LGALS2: variants seen among roughly 807,000 people sequenced by gnomAD.
The protein encoded by LGALS2 is galectin 2, also known as galectin-2.
In LGALS2, 7 loss-of-function variants were observed where a neutral mutation model predicts 10.1. The ratio of observed to expected loss-of-function variants is 0.70; its 90% CI spans 0.40 to 1.31. The LOEUF is 1.31. Ranked by LOEUF, LGALS2 falls within the 50% of genes most tolerant of loss-of-function variation. LGALS2 has a pLI of 0.01. For missense variants in LGALS2, 167 were observed against 163.6 expected, an observed-to-expected ratio of 1.02 and a Z score of -0.11; for synonymous variants, 86 against 64.2, an observed-to-expected ratio of 1.34 and a Z score of -1.63.
At chr22:37,574,844 G>A (rs1247547218) in intron 1 of LGALS2, among the ~76,000 whole-genome samples, 2 of 151,422 alleles carry the variant, frequency 1.3e-5, no homozygotes, top group Non-Finnish European at 2.9e-5. Flanking sequence ...AGGTTGTTAG[G>A]TATTGCTCAA....
chr22:37,572,998 G>A (rs1001164259), intron 1 of LGALS2, among the ~76,000 whole-genome samples: 3 of 150,310 alleles, frequency 2.0e-5, no homozygotes, highest in African/African-American at 7.4e-5. Flanking sequence ...AAAAGGCCGG[G>A]CACAGTGGCT....
chr22:37,572,672 CAGG>C (rs1361503726), intron 1 of LGALS2, among the ~76,000 whole-genome samples: 1 of 151,616 alleles, frequency 6.6e-6, no homozygotes, highest in African/African-American at 2.4e-5. Context: ...GAGGCTGAGG[CAGG>C]AGAATGGTGT....
chr22:37,570,360 T>G lies in LGALS2; in HGVS notation c.302A>C (p.His101Pro). The G allele has an allele frequency of 6.2e-7, 1 of 1,614,090 alleles. No individual in the cohort carries two copies. The highest frequency in any genetic ancestry group is 8.5e-7 in the Non-Finnish European group (1 of 1,179,988). The change falls in exon 4 of 4, where the codon CAC becomes CCC. Residue 101 changes from histidine (H) to proline (P), a missense_variant. Transcript: ENST00000215886. ...DKFKVKLPDG[H>P]ELTFPNRLGH... The stretch of plus-strand genomic sequence containing the variant: ...CAGCCTGTTGGGAAAAGTCAGCTCG[T>G]GCCCATCTGGCAGCTTCACCTTGAA...
At chr22:37,575,412 T>C (rs1169106305) in intron 1 of LGALS2, among the ~76,000 whole-genome samples, 2 of 151,994 alleles carry the variant, frequency 1.3e-5, no homozygotes, top group African/African-American at 4.8e-5. Flanking sequence ...TTTGCTATGT[T>C]ACCCAGGCTG....
At chr22:37,574,258 G>A (rs765704619) in intron 1 of LGALS2, among the ~76,000 whole-genome samples, 1 of 151,894 alleles carries the variant, frequency 6.6e-6, no homozygotes, top group Non-Finnish European at 1.5e-5. Context: ...GCTCACGCCT[G>A]TAATCCCAGC....
intron 1 of LGALS2, among the ~76,000 whole-genome samples, chr22:37,572,830 G>T (rs150250277): frequency 0.066 from 9,908 of 149,436 alleles, 810 homozygotes; most frequent in African/African-American, 0.19. Context: ...AATTATCTGC[G>T]CATGGTGGCG....
chr22:37,577,523 T>C (rs76799883), intron 1 of LGALS2, among the ~76,000 whole-genome samples: 67,538 of 147,476 alleles, frequency 0.46, 15,983 homozygotes, highest in African/African-American at 0.51. Context: ...CTAATTTTTT[T>C]TTCTTCTTCT....
intron 1 of LGALS2, among the ~76,000 whole-genome samples, chr22:37,577,316 G>A (rs941960580): frequency 1.3e-5 from 2 of 150,272 alleles, no homozygotes; most frequent in Non-Finnish European, 3.0e-5. Context: ...AGCGTCCCCC[G>A]AAAATTCATG....
chr22:37,574,588 C>T (rs1223314754), intron 1 of LGALS2, among the ~76,000 whole-genome samples: 3 of 151,440 alleles, frequency 2.0e-5, no homozygotes, highest in Admixed American at 2.0e-4. Context: ...CAGGACGCAA[C>T]AGGCACCAAA....
rs1481644056 is a variant in LGALS2, at chr22:37,571,830, A to G, written c.89+19T>C. 2 of 1,610,138 alleles carry G rather than the reference A, an allele frequency of 1.2e-6. No homozygotes were observed. Among genetic ancestry groups the G allele is most frequent in the African/African-American group, 1.3e-5 (1 of 74,854 alleles). ...TATTCCGGGCCTGCAGACTCCCCCA[A>G]CCCTGAAACCTTGCTCACCCATCAG... On this transcript the variant is annotated intron_variant, in intron 2 of 3. Coordinates refer to ENST00000215886, the MANE Select transcript of LGALS2 (RefSeq NM_006498.3).
At position 37,570,593 on chromosome 22, in the gene LGALS2, G is replaced by A. The variant is rs1488644428; in HGVS notation, c.232C>T (p.Pro78Ser). Residue 78 changes from proline (P) to serine (S), a missense_variant, in exon 3 of 4, where the codon CCA becomes TCA. Physicochemically the swap from Pro to Ser is moderately conservative, Grantham distance 74. Coordinates refer to ENST00000215886, the MANE Select transcript of LGALS2 (RefSeq NM_006498.3). ...EQREDHLCFS[P>S]GSEVKFTVTF... ...GACCTCACCTTGACCTCTGACCCTG[G>A]GCTGAAGCACAGGTGATCTTCCCGT... 6.2e-7 allele frequency: 1 copy of A among 1,614,198 alleles called. No homozygotes were observed. Among genetic ancestry groups the A allele is most frequent in the Non-Finnish European group, 8.5e-7 (1 of 1,180,052 alleles).
chr22:37,572,926 G>A (rs1002196227), intron 1 of LGALS2, among the ~76,000 whole-genome samples: 6 of 149,816 alleles, frequency 4.0e-5, no homozygotes, highest in Admixed American at 2.7e-4. Flanking sequence ...AGCTGAGATC[G>A]TACCATTGCA....
At position 37,570,302 on chromosome 22, in the gene LGALS2, C is replaced by T. The variant is rs1925450957; in HGVS notation, c.360G>A (p.Arg120=). 10 of 1,613,168 alleles carry T rather than the reference C, an allele frequency of 6.2e-6. No individual in the cohort carries two copies. The South Asian group carries it at 7.7e-5, about 12-fold the overall frequency. The change falls in exon 4 of 4, where the codon AGG becomes AGA. Residue 120 remains arginine, a synonymous_variant. Coordinates refer to ENST00000215886, the MANE Select transcript of LGALS2 (RefSeq NM_006498.3). ...TGAAAGAGGACATGTTGAACCCGCC[C>T]CTTACGCTCAGGTAGCTCAGGTGGC... ...GHSHLSYLSV[R]GGFNMSSFKL...
chr22:37,575,078 G>A (rs938961730), intron 1 of LGALS2, among the ~76,000 whole-genome samples: 3 of 151,798 alleles, frequency 2.0e-5, no homozygotes, highest in African/African-American at 7.3e-5. Context: ...TAGAGACGGG[G>A]TTTCACCACT....
chr22:37,574,424 G>A (rs1444735194), intron 1 of LGALS2, among the ~76,000 whole-genome samples: 1 of 149,262 alleles, frequency 6.7e-6, no homozygotes, highest in Non-Finnish European at 1.5e-5. Flanking sequence ...GCTGAGGCAA[G>A]AGAATCGCTT....
rs1411860757 is a variant in LGALS2, at chr22:37,578,703, A to C, written c.6+1197T>G. ...GGTGGCTCACACCTGTAATCCCAGC[A>C]CTTTGGGAGGCCAAGGTGGGCGGAT... On this transcript the variant is annotated intron_variant, in intron 1 of 3. Coordinates refer to ENST00000215886, the MANE Select transcript of LGALS2 (RefSeq NM_006498.3). The C allele has an allele frequency of 2.0e-5, 3 of 152,232 alleles. No individual in the cohort carries two copies. The East Asian group carries it at 5.8e-4, about 29-fold the overall frequency. The allele number at this position is 152,232 out of a possible 1,614,324, so 9.4% of individuals were successfully genotyped here.
chr22:37,573,335 A>G (rs1314928151), intron 1 of LGALS2, among the ~76,000 whole-genome samples: 1 of 152,202 alleles, frequency 6.6e-6, no homozygotes, highest in Non-Finnish European at 1.5e-5. Flanking sequence ...TCCTATGTCC[A>G]TCAAAGTCTC....
At chr22:37,579,625 G>T (rs1398397025) in intron 1 of LGALS2, among the ~76,000 whole-genome samples, 1 of 151,998 alleles carries the variant, frequency 6.6e-6, no homozygotes, top group Non-Finnish European at 1.5e-5. Flanking sequence ...GTAGAGACGG[G>T]GTTTCTCCAT....
At chr22:37,577,406 G>A (rs1925718557) in intron 1 of LGALS2, among the ~76,000 whole-genome samples, 1 of 148,532 alleles carries the variant, frequency 6.7e-6, no homozygotes, top group Non-Finnish European at 1.5e-5. Flanking sequence ...CTGGAGTACA[G>A]TGGCTCGATC....
Sources: gnomAD v4.1 joint callset for allele counts (sites outside exome capture counted in the v4.1 genomes callset) on GRCh38, gnomAD v4.1.1 for gene constraint, MANE v1.5 for transcripts, NCBI Gene and HGNC (gene_info 2026-07-23, HGNC 2026-07-21) for gene names.